The following RPTOR variants were observed in gnomAD, a reference collection of about 807,000 sequenced individuals.
The protein encoded by RPTOR is regulatory associated protein of MTOR complex 1.
A neutral mutation model predicts 169.9 loss-of-function variants in RPTOR; 21 were observed. That is an observed-to-expected ratio of 0.12 (90% CI 0.09 to 0.18). RPTOR has a LOEUF of 0.18. Ranked by LOEUF, RPTOR falls within the 10% of genes least tolerant of loss-of-function variation. RPTOR has a pLI of 1.00. For missense variants in RPTOR, 1,133 were observed against 1,855.9 expected, an observed-to-expected ratio of 0.61 and a Z score of 7.16; for synonymous variants, 732 against 753.2, an observed-to-expected ratio of 0.97 and a Z score of 0.46.
chr17:80,854,432 G>A (rs749056277), intron 11 of RPTOR, among the ~76,000 whole-genome samples: 6 of 152,234 alleles, frequency 3.9e-5, no homozygotes, highest in Non-Finnish European at 8.8e-5. Flanking sequence ...TGGTGCCCAC[G>A]TGCGTGCCGT....
intron 1 of RPTOR, among the ~76,000 whole-genome samples, chr17:80,606,245 C>A: frequency 6.6e-6 from 1 of 150,740 alleles, no homozygotes; most frequent in Non-Finnish European, 1.5e-5. Context: ...CTGCTGACCT[C>A]GTGATCCACC....
At chr17:80,854,890 C>A (rs1567950927) in intron 11 of RPTOR, among the ~76,000 whole-genome samples, 1 of 152,150 alleles carries the variant, frequency 6.6e-6, no homozygotes, top group African/African-American at 2.4e-5. Context: ...AAGACCCTAT[C>A]TCAAAAATAA....
At chr17:80,886,094 C>T (rs2672878) in intron 17 of RPTOR, among the ~76,000 whole-genome samples, 44,428 of 152,082 alleles carry the variant, frequency 0.29, 6,547 homozygotes, top group East Asian at 0.41. Context: ...TGGCGTTGGC[C>T]ACCCTCGTGC....
chr17:80,791,006 G>A (rs900977101), intron 6 of RPTOR, among the ~76,000 whole-genome samples: 2 of 152,156 alleles, frequency 1.3e-5, no homozygotes, highest in Non-Finnish European at 2.9e-5. Context: ...TTATGATTAT[G>A]AACATGATAT....
intron 21 of RPTOR, among the ~76,000 whole-genome samples, chr17:80,911,369 A>T (rs1447653803): frequency 6.6e-6 from 1 of 152,128 alleles, no homozygotes. Context: ...GGTTTCTTTT[A>T]TGTGCTACTG....
chr17:80,687,514 G>T (rs563740132), intron 3 of RPTOR, among the ~76,000 whole-genome samples: 5 of 152,112 alleles, frequency 3.3e-5, no homozygotes, highest in African/African-American at 7.2e-5. Flanking sequence ...GAAAGGCAGG[G>T]ACTCATTCGG....
intron 13 of RPTOR, 198 bp downstream of exon 13, chr17:80,858,098 A>G: frequency 1.7e-6 from 1 of 595,342 alleles, no homozygotes; most frequent in Non-Finnish European, 3.0e-6. Context: ...GCTGTCACCT[A>G]CCTGTCCTGT....
chr17:80,827,494 G>A (rs942112002), intron 9 of RPTOR, among the ~76,000 whole-genome samples: 16 of 152,216 alleles, frequency 1.1e-4, no homozygotes, highest in East Asian at 5.8e-4. Flanking sequence ...CGCAGGAGCC[G>A]GGTGCTGCAT....
intron 2 of RPTOR, among the ~76,000 whole-genome samples, chr17:80,635,065 C>A (rs2065495719): frequency 6.6e-6 from 1 of 152,220 alleles, no homozygotes; most frequent in African/African-American, 2.4e-5. Flanking sequence ...CATCTTCTGA[C>A]AGTGACAACC....
chr17:80,720,952 T>C (rs1445492220), intron 4 of RPTOR, among the ~76,000 whole-genome samples: 3 of 151,186 alleles, frequency 2.0e-5, no homozygotes, highest in Non-Finnish European at 4.4e-5. Context: ...TTGGGGTCAC[T>C]CTGCTTCTTA....
At chr17:80,872,858 G>A (rs374131590) in intron 13 of RPTOR, among the ~76,000 whole-genome samples, 1 of 152,176 alleles carries the variant, frequency 6.6e-6, no homozygotes, top group Non-Finnish European at 1.5e-5. Flanking sequence ...TCTCTGTGTG[G>A]CAACTTCAGG....
Position 80,823,045 on chromosome 17 carries a change from T to C in RPTOR, c.992-34T>C, listed in dbSNP as rs766743497. The C allele has an allele frequency of 2.5e-6, 4 of 1,606,966 alleles. No individual in the cohort carries two copies. Among genetic ancestry groups the C allele is most frequent in the African/African-American group, 1.3e-5 (1 of 74,578 alleles). ...GCTTTAAATGCTAGACACAAGTCAC[T>C]GTAGACTCCTTTTTATCTTTTATCT... On this transcript the variant is annotated intron_variant, in intron 8 of 33. Transcript: ENST00000306801. The surrounding 1 kb of genome is among the most constrained non-coding windows in gnomAD (Gnocchi z 4.5).
intron 2 of RPTOR, among the ~76,000 whole-genome samples, chr17:80,643,495 C>G (rs2065569094): frequency 6.6e-6 from 1 of 152,200 alleles, no homozygotes; most frequent in African/African-American, 2.4e-5. Context: ...GGTAGAATAA[C>G]AGCATTCACT....
intron 20 of RPTOR, among the ~76,000 whole-genome samples, chr17:80,894,110 A>G (rs541150925): frequency 0.029 from 4,367 of 152,312 alleles, 134 homozygotes; most frequent in African/African-American, 0.073. Context: ...GGAGCTGGCC[A>G]GTTTGGCTGG....
intron 4 of RPTOR, among the ~76,000 whole-genome samples, chr17:80,729,640 G>A (rs1047472061): frequency 2.6e-5 from 4 of 152,152 alleles, no homozygotes; most frequent in African/African-American, 9.7e-5. Context: ...TCTTTCAAAA[G>A]TCATCTCAAT....
chr17:80,925,549 TAAAC>T, intron 24 of RPTOR, 69 bp downstream of exon 24: 2 of 1,285,214 alleles, frequency 1.6e-6, no homozygotes, highest in Non-Finnish European at 2.3e-6. Flanking sequence ...TCTTTGAGCA[TAAAC>T]GCTCAAGGCT....
chr17:80,742,624 C>T (rs948372494), intron 5 of RPTOR, among the ~76,000 whole-genome samples: 17 of 151,554 alleles, frequency 1.1e-4, no homozygotes, highest in African/African-American at 1.5e-4. Flanking sequence ...CACATACACA[C>T]GCACATATAC....
intron 7 of RPTOR, among the ~76,000 whole-genome samples, chr17:80,796,978 T>C (rs1170470342): frequency 6.6e-6 from 1 of 152,266 alleles, no homozygotes; most frequent in Admixed American, 6.5e-5. Context: ...ATTAGCTCTA[T>C]TTCCAAGTGG....
intron 6 of RPTOR, among the ~76,000 whole-genome samples, chr17:80,779,177 G>C (rs1250770188): frequency 6.6e-6 from 1 of 152,222 alleles, no homozygotes; most frequent in African/African-American, 2.4e-5. Context: ...CTAGGCATGA[G>C]GGCTGGAGCT....
Sources: gnomAD v4.1 joint callset for allele counts (sites outside exome capture counted in the v4.1 genomes callset) on GRCh38, gnomAD v4.1.1 for gene constraint, Gnocchi (gnomAD v3.1) non-coding constraint, MANE v1.5 for transcripts, NCBI Gene and HGNC (gene_info 2026-07-23, HGNC 2026-07-21) for gene names.